The following DHX9 variants were observed in gnomAD, a reference collection of about 807,000 sequenced individuals.
DHX9 encodes ATP-dependent RNA helicase A.
DHX9 carries 27 observed loss-of-function variants against 148.7 expected under a neutral mutation model. The observed-to-expected ratio is 0.18, with a 90% CI of 0.13 to 0.25. DHX9 has a LOEUF of 0.25. DHX9 is among the 10% of genes least tolerant of loss of function. The pLI is 1.00. For missense variants in DHX9, 796 were observed against 1,559.6 expected (o/e 0.51, Z 8.25); for synonymous variants, 529 against 516.6 (o/e 1.02, Z -0.33).
intron 3 of DHX9, among the ~76,000 whole-genome samples, chr1:182,850,831 CTT>C (rs1258126493): frequency 1.3e-5 from 2 of 152,172 alleles, no homozygotes; most frequent in Admixed American, 6.5e-5. Flanking sequence ...CACTGTGACA[CTT>C]TCAATACTCT....
At chr1:182,880,335 T>C (rs1423421823) in intron 21 of DHX9, among the ~76,000 whole-genome samples, 162 bp from the exon 22 acceptor site, 8 of 152,240 alleles carry the variant, frequency 5.3e-5, no homozygotes, top group Non-Finnish European at 1.2e-4. Flanking sequence ...GATTTTGTTC[T>C]ATTTTTGAGT....
At chr1:182,842,238 T>A (rs1667946094) in intron 1 of DHX9, among the ~76,000 whole-genome samples, 1 of 152,206 alleles carries the variant, frequency 6.6e-6, no homozygotes, top group South Asian at 2.1e-4. Flanking sequence ...TAGGGCCTTA[T>A]ATAAAATACT....
intron 12 of DHX9, among the ~76,000 whole-genome samples, chr1:182,862,585 G>A (rs1266956009): frequency 6.6e-6 from 1 of 152,232 alleles, no homozygotes; most frequent in Non-Finnish European, 1.5e-5. Context: ...AACCTTAGAA[G>A]ATAGAGATAG....
chr1:182,882,648 C>T (rs971406641), intron 24 of DHX9, among the ~76,000 whole-genome samples: 7 of 152,066 alleles, frequency 4.6e-5, no homozygotes, highest in Admixed American at 3.3e-4. Flanking sequence ...AGGTGGATCA[C>T]GAGGTCAGGA....
intron 3 of DHX9, among the ~76,000 whole-genome samples, chr1:182,846,978 TC>T (rs1303303324): frequency 6.6e-6 from 1 of 152,176 alleles, no homozygotes; most frequent in East Asian, 1.9e-4. Flanking sequence ...GATAGTTTTT[TC>T]TGTCCCTTCC....
chr1:182,878,352 A>G (rs1648917150), intron 20 of DHX9, among the ~76,000 whole-genome samples, 179 bp downstream of exon 20: 1 of 152,236 alleles, frequency 6.6e-6, no homozygotes, highest in African/African-American at 2.4e-5. Context: ...AATAAGCCAG[A>G]TTTAGAAATA....
intron 3 of DHX9, among the ~76,000 whole-genome samples, chr1:182,844,479 G>C (rs1425252139): frequency 6.6e-6 from 1 of 152,184 alleles, no homozygotes; most frequent in Non-Finnish European, 1.5e-5. Context: ...CAGTAGCTGG[G>C]ACTGTGGGTG....
intron 14 of DHX9, among the ~76,000 whole-genome samples, chr1:182,868,403 G>A (rs1216109207): frequency 6.6e-6 from 1 of 151,478 alleles, no homozygotes; most frequent in Non-Finnish European, 1.5e-5. Context: ...AAATTTAACT[G>A]TTATGCTTGA....
At chr1:182,859,908 G>T in intron 11 of DHX9, 85 bp from the exon 12 acceptor site, 1 of 1,376,706 alleles carries the variant, frequency 7.3e-7, no homozygotes, top group South Asian at 1.4e-5. Flanking sequence ...CCAGTCTATA[G>T]AGATGGAAGT....
chr1:182,849,982 A>C (rs1174585468), intron 3 of DHX9, among the ~76,000 whole-genome samples: 44 of 123,912 alleles, frequency 3.6e-4, no homozygotes, highest in African/African-American at 7.1e-4. Context: ...GTACACACGT[A>C]CCCCCCCCCC....
chr1:182,844,575 T>G (rs1315808234), intron 3 of DHX9, among the ~76,000 whole-genome samples: 1 of 152,168 alleles, frequency 6.6e-6, no homozygotes, highest in Non-Finnish European at 1.5e-5. Context: ...AGACGGAGTC[T>G]TGCTCTGTTA....
chr1:182,849,418 T>C (rs1467962885), intron 3 of DHX9, among the ~76,000 whole-genome samples: 1 of 152,182 alleles, frequency 6.6e-6, no homozygotes, highest in Non-Finnish European at 1.5e-5. Context: ...TTAAAAAAAG[T>C]ATTATAATCA....
chr1:182,887,056 A>C (rs769872368), intron 27 of DHX9, 27 bp from the exon 28 acceptor site: 2 of 1,593,698 alleles, frequency 1.3e-6, no homozygotes, highest in African/African-American at 2.7e-5. Flanking sequence ...ATGCTTTGCT[A>C]AAGTGATGGT....
Position 182,866,437 on chromosome 1 carries a change from G to A in DHX9, c.1333-7G>A. On this transcript the variant is annotated splice_polypyrimidine_tract_variant and splice_region_variant and intron_variant, in intron 12 of 27. Transcript: ENST00000367549. ...TGTTAAGTCACTTTTCTTTTTTTCT[G>A]TCTCAGCCCAGAAGAATCAGTGCGG... is the stretch of plus-strand genomic sequence containing the variant. The A allele has an allele frequency of 6.2e-7, 1 of 1,610,248 alleles. No individual in the cohort carries two copies. The highest frequency in any genetic ancestry group is 2.2e-5 in the East Asian group (1 of 44,824).
intron 20 of DHX9, 139 bp from the exon 21 acceptor site, chr1:182,879,111 T>TTC: frequency 1.6e-6 from 1 of 643,988 alleles, no homozygotes; most frequent in Non-Finnish European, 2.4e-6. Flanking sequence ...TAGTGAACGA[T>TTC]AAAAGGTCCG....
rs998555682 is a variant in DHX9 at position 182,887,537 on chromosome 1, T to C, written c.*103T>C. 7 of 1,046,678 alleles carry C rather than the reference T, an allele frequency of 6.7e-6. No homozygotes were observed. The highest frequency in any genetic ancestry group is 4.8e-5 in the African/African-American group (3 of 62,650). 64.8% of individuals were successfully genotyped at this position (1,046,678 alleles called of 1,614,324 possible). On this transcript the variant is annotated 3_prime_UTR_variant, in exon 28 of 28. Transcript: ENST00000367549. ...TGTTTATTTGCCACCAAAAAGTAAA[T>C]GCATTTTCACCCATTCTGTGGTTCA...
At chr1:182,875,654 G>T (rs188068595) in intron 16 of DHX9, among the ~76,000 whole-genome samples, 13 of 152,272 alleles carry the variant, frequency 8.5e-5, no homozygotes, top group African/African-American at 3.1e-4. Flanking sequence ...TAAATGAACA[G>T]CAGATTAGAA....
chr1:182,868,520 C>CTTT (rs59218081), intron 14 of DHX9, among the ~76,000 whole-genome samples: 2 of 127,520 alleles, frequency 1.6e-5, no homozygotes, highest in Non-Finnish European at 3.1e-5. Flanking sequence ...ATTTTAATTC[C>CTTT]TTTTTTTTTT....
chr1:182,869,025 G>A (rs1021949448), intron 14 of DHX9, among the ~76,000 whole-genome samples: 1 of 152,052 alleles, frequency 6.6e-6, no homozygotes, highest in Non-Finnish European at 1.5e-5. Context: ...TGTTAATGTA[G>A]CAATGTTCTT....
Sources: allele counts gnomAD v4.1 joint callset (sites outside exome capture counted in the v4.1 genomes callset), GRCh38; gene constraint gnomAD v4.1.1; transcripts MANE v1.5; gene names NCBI Gene and HGNC (gene_info 2026-07-23, HGNC 2026-07-21).